The following DBT variants were observed in gnomAD, a reference collection of about 807,000 sequenced individuals.
DBT encodes the protein lipoamide acyltransferase component of branched-chain alpha-keto acid dehydrogenase complex, mitochondrial.
DBT carries 40 observed loss-of-function variants against 51.3 expected under a neutral mutation model. The observed-to-expected ratio is 0.78, with a 90% CI of 0.61 to 1.02. The LOEUF (loss-of-function observed/expected upper bound fraction) is 1.02. Ranked by LOEUF, DBT falls within the 50% of genes least tolerant of loss-of-function variation. The probability of loss-of-function intolerance (pLI) is 0.00; values close to 1 mark genes in which losing one functional copy is unlikely to be tolerated. For synonymous variants in DBT, 181 were observed against 190.4 expected (o/e 0.95, Z 0.41); for missense variants, 510 against 580.2 (o/e 0.88, Z 1.24).
At position 100,206,301 on chromosome 1, in the gene DBT, T is replaced by C; in HGVS notation, c.1210A>G (p.Ile404Val). 1 of 1,602,362 alleles carries C rather than the reference T, an allele frequency of 6.2e-7. No homozygotes were observed. Among genetic ancestry groups the C allele is most frequent in the Non-Finnish European group, 8.5e-7 (1 of 1,172,366 alleles). ...ACTGGTTTGGCAAAGGTACCACCAA[T>C]CTATTTTTTAAAAAAAAAAAAAGGA... ...GTFTLSNIGSIGGTFAKPVIM... is the reference protein window; with the variant it reads ...GTFTLSNIGSVGGTFAKPVIM... The change falls in exon 10 of 11, where the codon ATT becomes GTT. Residue 404 changes from isoleucine (I) to valine (V), a missense_variant and splice_region_variant. By Grantham distance (29) the Ile-to-Val change is conservative (BLOSUM62 3). Transcript: ENST00000370132.
intron 4 of DBT, among the ~76,000 whole-genome samples, chr1:100,222,815 G>A (rs1036316075): frequency 6.6e-6 from 1 of 152,120 alleles, no homozygotes; most frequent in African/African-American, 2.4e-5. Context: ...CTTATCTGGT[G>A]GTGGAGCATC....
At chr1:100,241,825 C>G (rs1050456684) in intron 1 of DBT, among the ~76,000 whole-genome samples, 18 of 152,126 alleles carry the variant, frequency 1.2e-4, no homozygotes, top group Non-Finnish European at 2.5e-4. Flanking sequence ...AAGAGACCAG[C>G]CTGGCCGATA....
At chr1:100,237,559 G>C (rs1177289642) in intron 2 of DBT, among the ~76,000 whole-genome samples, 1 of 152,122 alleles carries the variant, frequency 6.6e-6, no homozygotes, top group Non-Finnish European at 1.5e-5. Context: ...AGATGGGGTC[G>C]GGGAGTGGGT....
chr1:100,225,045 A>ATG (rs1553231597), intron 4 of DBT, among the ~76,000 whole-genome samples: 3 of 78,204 alleles, frequency 3.8e-5, no homozygotes, highest in Non-Finnish European at 8.1e-5. Context: ...AAAAAAAAAT[A>ATG]TATATATACA....
At chr1:100,212,350 A>G (rs1662200157) in intron 7 of DBT, among the ~76,000 whole-genome samples, 1 of 152,038 alleles carries the variant, frequency 6.6e-6, no homozygotes, top group East Asian at 1.9e-4. Flanking sequence ...CAGCCTGGGC[A>G]GCACTGCGAG....
At chr1:100,226,283 C>CTTTT (rs71084810) in intron 4 of DBT, among the ~76,000 whole-genome samples, 17 of 86,656 alleles carry the variant, frequency 2.0e-4, no homozygotes, top group Non-Finnish European at 3.3e-4. Flanking sequence ...TAAATTATGC[C>CTTTT]TTTTTTTTTT....
chr1:100,215,699 G>A (rs992088179), intron 6 of DBT, among the ~76,000 whole-genome samples: 2 of 152,082 alleles, frequency 1.3e-5, no homozygotes, highest in African/African-American at 4.8e-5. Flanking sequence ...GCGTGCACCT[G>A]TAATCCCAGA....
intron 4 of DBT, among the ~76,000 whole-genome samples, chr1:100,227,741 A>G (rs1663306143): frequency 6.6e-6 from 1 of 152,260 alleles, no homozygotes; most frequent in Admixed American, 6.5e-5. Flanking sequence ...GATGTGAGGC[A>G]ACATGAAGTA....
At chr1:100,201,363 G>C (rs538730418) in intron 10 of DBT, among the ~76,000 whole-genome samples, 1 of 152,094 alleles carries the variant, frequency 6.6e-6, no homozygotes, top group South Asian at 2.1e-4. Flanking sequence ...AAAAAAGAAT[G>C]AGAAGGAAGG....
At chr1:100,214,021 G>A (rs1662337614) in intron 7 of DBT, among the ~76,000 whole-genome samples, 1 of 151,610 alleles carries the variant, frequency 6.6e-6, no homozygotes, top group Admixed American at 6.6e-5. Context: ...CATGGTAGCT[G>A]CTGCACAGTC....
chr1:100,240,467 A>G (rs1570846859), intron 2 of DBT, among the ~76,000 whole-genome samples: 1 of 152,304 alleles, frequency 6.6e-6, no homozygotes, highest in African/African-American at 2.4e-5. Flanking sequence ...AGTTCAGGTT[A>G]TAGTGAGCTG....
chr1:100,242,820 T>A (rs1664299151), intron 1 of DBT, among the ~76,000 whole-genome samples: 1 of 152,208 alleles, frequency 6.6e-6, no homozygotes, highest in African/African-American at 2.4e-5. Context: ...AATAAAATTG[T>A]TCATATTTGT....
At chr1:100,212,094 T>C (rs1222370360) in intron 7 of DBT, among the ~76,000 whole-genome samples, 3 of 152,170 alleles carry the variant, frequency 2.0e-5, no homozygotes, top group Non-Finnish European at 4.4e-5. Flanking sequence ...TTAGTAAGCA[T>C]TTGATTCAAT....
At chr1:100,246,908 C>T (rs917770546) in intron 1 of DBT, among the ~76,000 whole-genome samples, 5 of 152,234 alleles carry the variant, frequency 3.3e-5, no homozygotes, top group East Asian at 1.9e-4. Context: ...GGTGTAACCC[C>T]GGGGATGAGG....
intron 3 of DBT, among the ~76,000 whole-genome samples, chr1:100,234,901 T>G (rs1046815986): frequency 2.6e-5 from 4 of 152,232 alleles, no homozygotes; most frequent in Non-Finnish European, 5.9e-5. Context: ...TTTACTCATC[T>G]TAACTGCCAC....
intron 6 of DBT, 149 bp from the exon 7 acceptor site, chr1:100,215,132 T>G: frequency 1.5e-6 from 1 of 649,064 alleles, no homozygotes; most frequent in Non-Finnish European, 2.7e-6. Context: ...CTTCATTACA[T>G]TACACTGAAA....
intron 1 of DBT, among the ~76,000 whole-genome samples, chr1:100,247,324 G>A (rs1046734791): frequency 1.3e-5 from 2 of 152,242 alleles, no homozygotes; most frequent in African/African-American, 4.8e-5. Flanking sequence ...ATCCAGTTAA[G>A]AAGGGCCAAG....
At position 100,196,053 on chromosome 1, in the gene DBT, A is replaced by T. The variant is rs1161149392; in HGVS notation, c.*202T>A. 1.5e-5 allele frequency: 9 copies of T among 610,950 alleles called. No individual in the cohort carries two copies. The highest frequency in any genetic ancestry group is 2.3e-5 in the Non-Finnish European group (8 of 346,718). 37.8% of individuals were successfully genotyped at this position (610,950 alleles called of 1,614,324 possible). On this transcript the variant is annotated 3_prime_UTR_variant, in exon 11 of 11. Transcript: ENST00000370132. ...GTCACACTCTGACCTATAAAATGTG[A>T]CAGCCCCAGGAGAACCATTACACCA...
chr1:100,240,653 C>A, intron 2 of DBT, 108 bp downstream of exon 2: 1 of 904,238 alleles, frequency 1.1e-6, no homozygotes, highest in Non-Finnish European at 1.8e-6. Flanking sequence ...GCTAGAAATA[C>A]AGAGTCAACT....
Sources: gnomAD v4.1 joint callset for allele counts (sites outside exome capture counted in the v4.1 genomes callset) on GRCh38, gnomAD v4.1.1 for gene constraint, MANE v1.5 for transcripts, NCBI Gene and HGNC (gene_info 2026-07-23, HGNC 2026-07-21) for gene names.